The following GORASP2 variants were observed in gnomAD, a reference collection of about 807,000 sequenced individuals.
The protein encoded by GORASP2 is golgi reassembly stacking protein 2, also known as Golgi reassembly-stacking protein 2.
In GORASP2, 22 loss-of-function variants were observed where a neutral mutation model predicts 45.7. The observed-to-expected ratio is 0.48, with a 90% CI of 0.34 to 0.69. The LOEUF (loss-of-function observed/expected upper bound fraction) is 0.69, where lower values mean the gene tolerates loss of function less well. GORASP2 is among the 30% of genes least tolerant of loss of function. GORASP2 has a pLI of 0.01. For missense variants in GORASP2, 491 were observed against 562.7 expected (o/e 0.87, Z 1.29); for synonymous variants, 221 against 215.6 (o/e 1.02, Z -0.22).
chr2:170,946,549 T>C (rs1182115046), intron 1 of GORASP2, among the ~76,000 whole-genome samples: 1 of 152,156 alleles, frequency 6.6e-6, no homozygotes, highest in South Asian at 2.1e-4. Context: ...CTATGAATTA[T>C]ATTAAAAGTA....
intron 7 of GORASP2, among the ~76,000 whole-genome samples, chr2:170,961,054 C>T (rs1704547644): frequency 6.6e-6 from 1 of 152,176 alleles, no homozygotes. Flanking sequence ...ACGTGAGGAA[C>T]GTAACCTCCT....
intron 1 of GORASP2, among the ~76,000 whole-genome samples, chr2:170,940,469 G>A (rs1704049674): frequency 6.6e-6 from 1 of 152,156 alleles, no homozygotes; most frequent in South Asian, 2.1e-4. Context: ...CCCAAACCTA[G>A]CATAAGTAGT....
At chr2:170,960,046 C>T (rs2105328112) in intron 7 of GORASP2, among the ~76,000 whole-genome samples, 1 of 152,064 alleles carries the variant, frequency 6.6e-6, no homozygotes, top group South Asian at 2.1e-4. Flanking sequence ...GTCTTGAACC[C>T]CTGACCTCAG....
intron 1 of GORASP2, among the ~76,000 whole-genome samples, chr2:170,930,712 C>G (rs1703802377): frequency 6.6e-6 from 1 of 152,104 alleles, no homozygotes; most frequent in Admixed American, 6.5e-5. Context: ...CTTCCTATCC[C>G]CTTCTGCTAA....
chr2:170,936,534 T>G (rs892053329), intron 1 of GORASP2: 12 of 724,312 alleles, frequency 1.7e-5, no homozygotes, highest in Non-Finnish European at 2.5e-5. Context: ...GTAGTTACTT[T>G]GAGAGACTGT....
At chr2:170,929,247 C>A (rs1268555945), upstream of GORASP2, 34 of 995,758 alleles carry the variant, frequency 3.4e-5, no homozygotes, top group Non-Finnish European at 4.4e-5. Flanking sequence ...GCGAGTGCCA[C>A]GTCCCAAGTG....
chr2:170,956,899 G>T (rs1356780859), intron 7 of GORASP2, among the ~76,000 whole-genome samples: 1 of 151,996 alleles, frequency 6.6e-6, no homozygotes, highest in Non-Finnish European at 1.5e-5. Flanking sequence ...GGTCGACAGA[G>T]TGAAAAATTT....
intron 1 of GORASP2, among the ~76,000 whole-genome samples, chr2:170,934,736 T>G (rs1703906698): frequency 6.6e-6 from 1 of 152,060 alleles, no homozygotes; most frequent in Non-Finnish European, 1.5e-5. Context: ...TTTTTCTTTT[T>G]TGTTTGTTTG....
At chr2:170,935,031 C>T (rs1255368879) in intron 1 of GORASP2, among the ~76,000 whole-genome samples, 1 of 152,176 alleles carries the variant, frequency 6.6e-6, no homozygotes, top group Non-Finnish European at 1.5e-5. Flanking sequence ...AGCCACTGTG[C>T]CAGGCCCAAA....
rs577301092 is a variant in GORASP2, at chr2:170,948,534, G to A, written c.144+104G>A. On this transcript the variant is annotated intron_variant, in intron 2 of 9. Transcript: ENST00000234160. The stretch of plus-strand genomic sequence containing the variant: ...GGTATTTATTAGTTACAATCATTAT[G>A]TGTAGTATGCCAATTTATAGAAATA... 17 of 639,880 alleles carry A rather than the reference G, an allele frequency of 2.7e-5. No individual in the cohort carries two copies. In the African/African-American group the frequency reaches 3.2e-4, roughly 12 times the overall value. The allele number at this position is 639,880 out of a possible 1,614,324, so 39.6% of individuals were successfully genotyped here.
intron 1 of GORASP2, among the ~76,000 whole-genome samples, chr2:170,932,568 C>T (rs1703853876): frequency 6.6e-6 from 1 of 152,180 alleles, no homozygotes; most frequent in Non-Finnish European, 1.5e-5. Flanking sequence ...TGGTAGCTGT[C>T]TGTAGAAATG....
chr2:170,929,934 G>A (rs1703778750), intron 1 of GORASP2: 1 of 363,046 alleles, frequency 2.8e-6, no homozygotes, highest in Non-Finnish European at 5.8e-6. Flanking sequence ...AAACCAAATG[G>A]CCTGGAAGTA....
At chr2:170,957,843 T>A (rs1230193861) in intron 7 of GORASP2, among the ~76,000 whole-genome samples, 3 of 152,186 alleles carry the variant, frequency 2.0e-5, no homozygotes, top group Non-Finnish European at 2.9e-5. Context: ...TATGTTTTTG[T>A]AGGGCTGGGG....
chr2:170,936,678 G>T, intron 1 of GORASP2: 1 of 1,288,406 alleles, frequency 7.8e-7, no homozygotes, highest in Non-Finnish European at 1.0e-6. Flanking sequence ...CTTAAGCCGG[G>T]CATAATGGTG....
At chr2:170,937,848 A>G (rs1188270281) in intron 1 of GORASP2, among the ~76,000 whole-genome samples, 1 of 152,184 alleles carries the variant, frequency 6.6e-6, no homozygotes, top group Non-Finnish European at 1.5e-5. Flanking sequence ...GAATCTTGTT[A>G]TCTTTGTGGA....
intron 7 of GORASP2, among the ~76,000 whole-genome samples, chr2:170,958,456 C>G (rs1704477871): frequency 6.6e-6 from 1 of 151,994 alleles, no homozygotes; most frequent in Admixed American, 6.6e-5. Context: ...TGGAAGGGAA[C>G]TTAAAGTTTA....
At chr2:170,953,459 C>G (rs549629656) in intron 5 of GORASP2, among the ~76,000 whole-genome samples, 1 of 152,296 alleles carries the variant, frequency 6.6e-6, no homozygotes, top group South Asian at 2.1e-4. Flanking sequence ...GATGATGTGG[C>G]AGGAGAAGGG....
chr2:170,956,944 T>G (rs980445292), intron 7 of GORASP2, among the ~76,000 whole-genome samples: 1 of 152,112 alleles, frequency 6.6e-6, no homozygotes, highest in South Asian at 2.1e-4. Context: ...AAAAAATTTT[T>G]AAAAAAGAAT....
intron 4 of GORASP2, 67 bp downstream of exon 4, chr2:170,950,357 A>G: frequency 1.4e-6 from 1 of 739,680 alleles, no homozygotes; most frequent in Non-Finnish European, 2.2e-6. Context: ...GAGTTGAGAA[A>G]GATATTTGCA....
Sources: gnomAD v4.1 joint callset for allele counts (sites outside exome capture counted in the v4.1 genomes callset) on GRCh38, gnomAD v4.1.1 for gene constraint, MANE v1.5 for transcripts, NCBI Gene and HGNC (gene_info 2026-07-23, HGNC 2026-07-21) for gene names.